PTPRD: variants seen among roughly 807,000 people sequenced by gnomAD.
PTPRD encodes the protein receptor-type tyrosine-protein phosphatase delta.
In PTPRD, 34 loss-of-function variants were observed where a neutral mutation model predicts 214.5. The observed-to-expected ratio is 0.16, with a 90% CI of 0.12 to 0.21. The LOEUF is 0.21. Ranked by LOEUF, PTPRD falls within the 10% of genes least tolerant of loss-of-function variation. The pLI, the probability that PTPRD is intolerant of heterozygous loss-of-function variation, is 1.00. For synonymous variants in PTPRD, 1,128 were observed against 845.7 expected (o/e 1.33, Z -5.79); for missense variants, 2,545 against 2,398.7 (o/e 1.06, Z -1.27).
intron 11 of PTPRD, among the ~76,000 whole-genome samples, chr9:8,764,205 A>C (rs1157090930): frequency 2.0e-5 from 3 of 152,204 alleles, no homozygotes; most frequent in Non-Finnish European, 4.4e-5. Context: ...TATGTGAAAC[A>C]TGCTTTTTCT....
intron 2 of PTPRD, among the ~76,000 whole-genome samples, chr9:10,440,284 A>G (rs2098750246): frequency 6.6e-6 from 1 of 151,758 alleles, no homozygotes. Flanking sequence ...AGATTGCAAA[A>G]AGTTTATTTT....
intron 9 of PTPRD, among the ~76,000 whole-genome samples, chr9:9,198,746 G>T (rs1003922541): frequency 2.6e-5 from 4 of 152,182 alleles, no homozygotes; most frequent in African/African-American, 9.6e-5. Context: ...CTTGGGTTAA[G>T]AGTGTCCATA....
intron 4 of PTPRD, among the ~76,000 whole-genome samples, chr9:9,991,835 CACA>C (rs2154080012): frequency 1.1e-4 from 1 of 8,770 alleles, no homozygotes; most frequent in Admixed American, 1.2e-3. Context: ...AACAGCACCA[CACA>C]CACACACACA....
At chr9:9,215,850 TAC>T (rs2099951815) in intron 9 of PTPRD, among the ~76,000 whole-genome samples, 1 of 152,150 alleles carries the variant, frequency 6.6e-6, no homozygotes, top group Non-Finnish European at 1.5e-5. Context: ...AGTAAAATAG[TAC>T]AGTATTTACC....
intron 4 of PTPRD, among the ~76,000 whole-genome samples, chr9:10,015,965 A>C (rs144209324): frequency 1.3e-5 from 2 of 152,252 alleles, no homozygotes; most frequent in Non-Finnish European, 2.9e-5. Flanking sequence ...GACTGACACC[A>C]CACTCTGTCT....
intron 10 of PTPRD, among the ~76,000 whole-genome samples, chr9:9,155,835 G>C (rs1481605591): frequency 6.6e-6 from 1 of 152,086 alleles, no homozygotes; most frequent in Non-Finnish European, 1.5e-5. Context: ...AATTTGAACT[G>C]ATGGGTTCAG....
At chr9:10,472,164 C>G (rs756952187) in intron 2 of PTPRD, among the ~76,000 whole-genome samples, 5 of 151,854 alleles carry the variant, frequency 3.3e-5, no homozygotes, top group Non-Finnish European at 7.4e-5. Context: ...TTGTCCAAGT[C>G]CTTATTTAAA....
At chr9:9,745,974 C>G (rs190800785) in intron 6 of PTPRD, among the ~76,000 whole-genome samples, 1 of 151,972 alleles carries the variant, frequency 6.6e-6, no homozygotes, top group African/African-American at 2.4e-5. Context: ...ATCTTCATTG[C>G]TTGGGATGGG....
intron 2 of PTPRD, among the ~76,000 whole-genome samples, chr9:10,578,744 T>C (rs1224710002): frequency 6.6e-6 from 1 of 152,136 alleles, no homozygotes; most frequent in Non-Finnish European, 1.5e-5. Flanking sequence ...TTTCAACTTT[T>C]ATTTTAGATT....
chr9:9,600,100 G>C (rs1174589544), intron 7 of PTPRD, among the ~76,000 whole-genome samples: 2 of 151,982 alleles, frequency 1.3e-5, no homozygotes, highest in Non-Finnish European at 2.9e-5. Context: ...ATCTTATGTT[G>C]TTTATGTGTG....
intron 5 of PTPRD, among the ~76,000 whole-genome samples, chr9:9,838,530 C>T (rs369177254): frequency 0.024 from 3,715 of 152,186 alleles, 55 homozygotes; most frequent in Middle Eastern, 0.058. Context: ...TGATGGTGAG[C>T]ATTTTTTCAT....
At chr9:9,938,980 G>C (rs189069470) in intron 4 of PTPRD, among the ~76,000 whole-genome samples, 63 of 150,954 alleles carry the variant, frequency 4.2e-4, no homozygotes, top group Admixed American at 3.4e-3. Context: ...CCAGAGAGAA[G>C]CTGATGTTGA....
intron 3 of PTPRD, among the ~76,000 whole-genome samples, chr9:10,208,419 C>T (rs1371244981): frequency 1.3e-5 from 2 of 152,176 alleles, no homozygotes; most frequent in Non-Finnish European, 2.9e-5. Flanking sequence ...GAGGCTGAGG[C>T]AGGAGAAGGG....
At chr9:10,160,102 A>G (rs1023571293) in intron 3 of PTPRD, among the ~76,000 whole-genome samples, 3 of 152,070 alleles carry the variant, frequency 2.0e-5, no homozygotes, top group African/African-American at 7.2e-5. Context: ...AACCCACTTC[A>G]CCAATAAAGG....
At chr9:10,170,972 ACTAAG>A (rs1258844091) in intron 3 of PTPRD, among the ~76,000 whole-genome samples, 1 of 152,094 alleles carries the variant, frequency 6.6e-6, no homozygotes, top group East Asian at 1.9e-4. Context: ...CCTTGATTTC[ACTAAG>A]ATGCAATCAT....
At chr9:9,821,622 G>T (rs912446042) in intron 5 of PTPRD, among the ~76,000 whole-genome samples, 1 of 152,122 alleles carries the variant, frequency 6.6e-6, no homozygotes, top group South Asian at 2.1e-4. Flanking sequence ...TTCTTCCTAT[G>T]CATAAAAATA....
chr9:9,860,456 T>C (rs748382323), intron 5 of PTPRD, among the ~76,000 whole-genome samples: 3 of 152,224 alleles, frequency 2.0e-5, no homozygotes, highest in South Asian at 2.1e-4. Flanking sequence ...CATGGTTTCT[T>C]GTTTATTGTT....
At chr9:9,853,207 G>A (rs1181508892) in intron 5 of PTPRD, among the ~76,000 whole-genome samples, 1 of 152,170 alleles carries the variant, frequency 6.6e-6, no homozygotes, top group African/African-American at 2.4e-5. Context: ...TTTATTGCAA[G>A]TACTCAACTC....
chr9:8,723,814 G>A (rs993448532), intron 12 of PTPRD, among the ~76,000 whole-genome samples: 6 of 152,054 alleles, frequency 3.9e-5, no homozygotes, highest in African/African-American at 1.4e-4. Flanking sequence ...AACATACTTG[G>A]TTTAGTAGAT....
Sources: allele counts gnomAD v4.1 joint callset (sites outside exome capture counted in the v4.1 genomes callset), GRCh38; gene constraint gnomAD v4.1.1; transcripts MANE v1.5; gene names NCBI Gene and HGNC (gene_info 2026-07-23, HGNC 2026-07-21).